EPHA3: variants seen among roughly 807,000 people sequenced by gnomAD.
The protein encoded by EPHA3 is EPH receptor A3.
Under a neutral mutation model 107.1 loss-of-function variants are expected in EPHA3, and 42 were observed. The observed-to-expected ratio is 0.39, with a 90% CI of 0.31 to 0.51. The LOEUF (loss-of-function observed/expected upper bound fraction) is 0.51. Among genes scored for constraint, EPHA3 ranks in the 20% least tolerant of loss-of-function variants. The pLI, the probability that EPHA3 is intolerant of heterozygous loss-of-function variation, is 0.78. For missense variants in EPHA3, 1,183 were observed against 1,211.2 expected, an observed-to-expected ratio of 0.98 and a Z score of 0.35; for synonymous variants, 461 against 424.8, an observed-to-expected ratio of 1.09 and a Z score of -1.05.
Position 89,479,565 on chromosome 3 carries a change from C to A in EPHA3, c.*63C>A. 1.6e-6 allele frequency: 2 copies of A among 1,263,462 alleles called. No individual in the cohort carries two copies. The highest frequency in any genetic ancestry group is 1.2e-6 in the Non-Finnish European group (1 of 867,784). 78.3% of individuals were successfully genotyped at this position (1,263,462 alleles called of 1,614,324 possible). On this transcript the variant is annotated 3_prime_UTR_variant, in exon 17 of 17. Transcript: ENST00000336596. Reference sequence around the variant, plus strand: ...CTGTGGAAGGCGTAGCATCATCCTGCAGACAGACAATAATTCTGGAGATAC... The same window carrying A: ...CTGTGGAAGGCGTAGCATCATCCTGAAGACAGACAATAATTCTGGAGATAC...
chr3:89,225,720 T>C (rs1052397658), intron 3 of EPHA3, among the ~76,000 whole-genome samples: 3 of 152,168 alleles, frequency 2.0e-5, no homozygotes, highest in African/African-American at 7.2e-5. Context: ...TTTAGGTACA[T>C]AGTTTTAATA....
intron 1 of EPHA3, among the ~76,000 whole-genome samples, chr3:89,122,704 TTA>T (rs1484696546): frequency 1.8e-4 from 27 of 152,236 alleles, no homozygotes; most frequent in African/African-American, 6.5e-4. Context: ...TTAAAAATCT[TTA>T]TGTGTTAATA....
rs142298935 is a variant in EPHA3 at position 89,153,894 on chromosome 3, G to T, written c.153+26621G>T. Among the ~76,000 whole-genome samples, 47 of 152,082 alleles carry T rather than the reference G, an allele frequency of 3.1e-4. 1 individual carries two copies. In the East Asian group the frequency reaches 8.6e-3, roughly 28 times the overall value. On this transcript the variant is annotated intron_variant, in intron 2 of 16. Coordinates refer to ENST00000336596, the MANE Select transcript of EPHA3 (RefSeq NM_005233.6). ...TGTCCCCCAGTGACATCTGTGACCT[G>T]CTCCTCTCTCCTTCCTTACACTGTT...
intron 6 of EPHA3, among the ~76,000 whole-genome samples, chr3:89,396,270 T>C (rs1469695494): frequency 6.6e-6 from 1 of 152,242 alleles, no homozygotes; most frequent in Non-Finnish European, 1.5e-5. Context: ...TATTTTATTG[T>C]GGTTTCTTAG....
intron 15 of EPHA3, among the ~76,000 whole-genome samples, chr3:89,455,145 T>A (rs73139286): frequency 0.22 from 34,231 of 152,176 alleles, 4,149 homozygotes; most frequent in Non-Finnish European, 0.25. Flanking sequence ...TTGTGTATTT[T>A]AAAATAAATG....
intron 3 of EPHA3, among the ~76,000 whole-genome samples, chr3:89,317,773 C>T (rs1265332234): frequency 6.6e-6 from 1 of 151,326 alleles, no homozygotes; most frequent in Admixed American, 6.6e-5. Flanking sequence ...AATATTTTTA[C>T]AATAAAAAAG....
At chr3:89,256,639 T>C (rs1705293270) in intron 3 of EPHA3, among the ~76,000 whole-genome samples, 1 of 152,146 alleles carries the variant, frequency 6.6e-6, no homozygotes, top group Admixed American at 6.5e-5. Flanking sequence ...GTCCTCTAAG[T>C]ATATCCCTAG....
intron 5 of EPHA3, among the ~76,000 whole-genome samples, chr3:89,349,965 A>AG (rs1185767182): frequency 6.7e-6 from 1 of 149,544 alleles, no homozygotes; most frequent in South Asian, 2.1e-4. Context: ...TCTGGCTTGT[A>AG]GGGTTTCTGC....
At chr3:89,158,510 A>G (rs1704854213) in intron 2 of EPHA3, among the ~76,000 whole-genome samples, 1 of 152,174 alleles carries the variant, frequency 6.6e-6, no homozygotes, top group South Asian at 2.1e-4. Flanking sequence ...TCAGAAAACA[A>G]TGTATTATTA....
rs1707009309 is a variant in EPHA3 at position 89,107,825 on chromosome 3, C to T, written c.77C>T (p.Pro26Leu). The T allele has an allele frequency of 6.2e-7, 1 of 1,614,132 alleles. No homozygotes were observed. The change falls in exon 1 of 17, where the codon CCT (proline) becomes CTT (leucine). Residue 26 changes from proline (P) to leucine (L), a missense_variant. Pro to Leu is a moderately conservative substitution (Grantham distance 98, BLOSUM62 -3). Coordinates refer to ENST00000336596, the MANE Select transcript of EPHA3 (RefSeq NM_005233.6). ...AGCTTCGGGGAACTGATTCCGCAGCCTTCCAATGAAGGTAAGCCAGGTACC... is the reference window on the plus strand; with the variant it reads ...AGCTTCGGGGAACTGATTCCGCAGCTTTCCAATGAAGGTAAGCCAGGTACC... ...LDSFGELIPQ[P>L]SNEVNLLDSK...
chr3:89,424,483 G>A (rs1709417943), intron 11 of EPHA3, among the ~76,000 whole-genome samples: 1 of 150,880 alleles, frequency 6.6e-6, no homozygotes, highest in African/African-American at 2.4e-5. Flanking sequence ...AAAGCCTGTT[G>A]TTATTATTAT....
At chr3:89,163,323 A>T (rs1453153397) in intron 2 of EPHA3, among the ~76,000 whole-genome samples, 1 of 152,164 alleles carries the variant, frequency 6.6e-6, no homozygotes, top group East Asian at 1.9e-4. Context: ...TAAAATTGAT[A>T]TTAACTTGAT....
At chr3:89,392,363 C>T (rs985217747) in intron 5 of EPHA3, among the ~76,000 whole-genome samples, 2 of 151,664 alleles carry the variant, frequency 1.3e-5, no homozygotes, top group Non-Finnish European at 2.9e-5. Flanking sequence ...CTCTTGAACC[C>T]GAGAAGTGGA....
chr3:89,140,015 C>A (rs1191551490), intron 2 of EPHA3, among the ~76,000 whole-genome samples: 1 of 151,698 alleles, frequency 6.6e-6, no homozygotes, highest in Admixed American at 6.6e-5. Context: ...CTTTCATAAG[C>A]CCAAGAGAAA....
chr3:89,301,850 G>T (rs1706498825), intron 3 of EPHA3, among the ~76,000 whole-genome samples: 1 of 152,068 alleles, frequency 6.6e-6, no homozygotes, highest in Non-Finnish European at 1.5e-5. Flanking sequence ...CTCTGTAAAA[G>T]TCAGTGGATG....
At chr3:89,243,454 G>A (rs568365749) in intron 3 of EPHA3, among the ~76,000 whole-genome samples, 186 of 152,212 alleles carry the variant, frequency 1.2e-3, no homozygotes, top group Non-Finnish European at 1.3e-3. Context: ...ATTCTAACTG[G>A]TGTGAGATGG....
At position 89,431,251 on chromosome 3, in the gene EPHA3, C is replaced by T. The variant is rs1288096834; in HGVS notation, c.2238C>T (p.Asp746=). Residue 746 remains aspartate, a synonymous_variant, in exon 13 of 17, where the codon GAC becomes GAT. Coordinates refer to ENST00000336596, the MANE Select transcript of EPHA3 (RefSeq NM_005233.6). The part of the protein sequence containing the change: ...YLSDMGYVHR[D]LAARNILINS... ...CAGACATGGGCTATGTTCACCGAGA[C>T]CTCGCTGCTCGGAACATCTTGATCA... 1 of 1,613,706 alleles carries T rather than the reference C, an allele frequency of 6.2e-7. No homozygotes were observed. Among genetic ancestry groups the T allele is most frequent in the Non-Finnish European group, 8.5e-7 (1 of 1,179,948 alleles).
intron 2 of EPHA3, among the ~76,000 whole-genome samples, chr3:89,203,261 T>G (rs1467538165): frequency 2.1e-5 from 3 of 144,580 alleles, no homozygotes; most frequent in African/African-American, 7.7e-5. Context: ...GTTGTTGTTG[T>G]TTTTTTTTTA....
chr3:89,187,484 CAT>C (rs1397904320), intron 2 of EPHA3, among the ~76,000 whole-genome samples: 15 of 151,038 alleles, frequency 9.9e-5, no homozygotes, highest in South Asian at 8.3e-4. Context: ...AAATAATTGA[CAT>C]ATATTTACAA....
Sources: gnomAD v4.1 joint callset for allele counts (sites outside exome capture counted in the v4.1 genomes callset) on GRCh38, gnomAD v4.1.1 for gene constraint, MANE v1.5 for transcripts, NCBI Gene and HGNC (gene_info 2026-07-23, HGNC 2026-07-21) for gene names.